Variants in GAS7 observed in about 807,000 individuals in gnomAD.
GAS7 encodes the protein growth arrest specific 7.
Under a neutral mutation model 71.1 loss-of-function variants are expected in GAS7, and 28 were observed. The ratio of observed to expected loss-of-function variants is 0.39; its 90% confidence interval spans 0.29 to 0.54. GAS7 has a LOEUF of 0.54. Ranked by LOEUF, GAS7 falls within the 20% of genes least tolerant of loss-of-function variation. GAS7 has a pLI of 0.62. For missense variants in GAS7, 436 were observed against 627.8 expected (o/e 0.69, Z 3.27); for synonymous variants, 258 against 245.8 (o/e 1.05, Z -0.46).
intron 1 of GAS7, among the ~76,000 whole-genome samples, chr17:10,075,264 G>A (rs1174959103): frequency 6.6e-6 from 1 of 151,862 alleles, no homozygotes. Context: ...GCTGAGGCAG[G>A]AGAATCGCTT....
intron 1 of GAS7, among the ~76,000 whole-genome samples, chr17:10,043,914 CAG>C (rs1365936552): frequency 6.6e-6 from 1 of 152,186 alleles, no homozygotes; most frequent in Non-Finnish European, 1.5e-5. Flanking sequence ...GCCTGGGCAA[CAG>C]AGTGAGACCC....
At chr17:10,022,525 T>G (rs2072309544) in intron 1 of GAS7, among the ~76,000 whole-genome samples, 1 of 152,192 alleles carries the variant, frequency 6.6e-6, no homozygotes, top group Non-Finnish European at 1.5e-5. Context: ...CAGCCTTCAG[T>G]GCCAATCCTG....
In GAS7 at chr17:10,138,565, C is replaced by T. The variant is rs59728678; in HGVS notation, c.183+59643G>A. On this transcript the variant is annotated intron_variant, in intron 1 of 13. Coordinates refer to ENST00000432992, the MANE Select transcript of GAS7 (RefSeq NM_201433.2). ...AGATCATGGGGTCAGGAGTTTGAGA[C>T]CAGCCTGACCAACATGGTGAAACCC... 5.2e-3 allele frequency among the ~76,000 whole-genome samples: 794 copies of T among 152,056 alleles called. 9 individuals carry two copies. The highest frequency in any genetic ancestry group is 0.018 in the African/African-American group (758 of 41,496).
chr17:10,179,351 T>C (rs2074397517), intron 1 of GAS7, among the ~76,000 whole-genome samples: 2 of 151,754 alleles, frequency 1.3e-5, no homozygotes, highest in Admixed American at 1.3e-4. Context: ...AAAAAATTCA[T>C]AGGTCCTGTG....
chr17:10,013,057 C>A (rs570977565), intron 2 of GAS7, among the ~76,000 whole-genome samples: 4 of 148,980 alleles, frequency 2.7e-5, no homozygotes, highest in Non-Finnish European at 5.9e-5. Context: ...GAGCCGAGAT[C>A]GTGCCACTGC....
intron 1 of GAS7, among the ~76,000 whole-genome samples, chr17:10,131,653 ATGTATTCC>A (rs1228806283): frequency 2.0e-5 from 3 of 152,174 alleles, no homozygotes; most frequent in South Asian, 2.1e-4. Context: ...ACAAAGTCTC[ATGTATTCC>A]TGTATTCCTG....
chr17:10,185,875 A>G (rs76469064), intron 1 of GAS7, among the ~76,000 whole-genome samples: 9,508 of 151,036 alleles, frequency 0.063, 490 homozygotes, highest in East Asian at 0.18. Flanking sequence ...GAGAAACAGG[A>G]TGGAGTGTGA....
chr17:10,031,131 A>T (rs531072316), intron 1 of GAS7, among the ~76,000 whole-genome samples: 2 of 152,000 alleles, frequency 1.3e-5, no homozygotes, highest in East Asian at 3.9e-4. Flanking sequence ...CACTTGGGAC[A>T]CTCCAGACCT....
At chr17:10,132,387 C>T (rs1041748213) in intron 1 of GAS7, among the ~76,000 whole-genome samples, 10 of 152,216 alleles carry the variant, frequency 6.6e-5, no homozygotes, top group African/African-American at 2.4e-4. Context: ...CGTGCACACC[C>T]ATCATCTCAG....
At chr17:9,932,194 C>CT (rs34286699) in intron 9 of GAS7, among the ~76,000 whole-genome samples, 51,549 of 116,140 alleles carry the variant, frequency 0.44, 13,189 homozygotes, top group Non-Finnish European at 0.55. Context: ...GTCCCCCCCG[C>CT]TTTTTTTTTT....
In GAS7 at chr17:10,188,526, A is replaced by AT. The variant is rs552040777; in HGVS notation, c.183+9681dup. On this transcript the variant is annotated intron_variant, in intron 1 of 13. Coordinates refer to ENST00000432992, the MANE Select transcript of GAS7 (RefSeq NM_201433.2). Reference sequence around the variant, plus strand: ...CATTTCCTTACACCCTGCCAATACCATTTTTTTTTTACATATTTCTGTCTT... The same window carrying AT: ...CATTTCCTTACACCCTGCCAATACCATTTTTTTTTTTACATATTTCTGTCTT... Among the ~76,000 whole-genome samples the AT allele has an allele frequency of 2.1e-3, 319 of 149,556 alleles. 2 individuals carry two copies. The highest frequency in any genetic ancestry group is 4.9e-3 in the East Asian group (25 of 5,114).
chr17:10,151,797 C>T (rs886799970), intron 1 of GAS7, among the ~76,000 whole-genome samples: 2 of 152,206 alleles, frequency 1.3e-5, no homozygotes, highest in Non-Finnish European at 2.9e-5. Flanking sequence ...CCTCCTGCCT[C>T]GGCCTCCCAA....
Position 9,949,466 on chromosome 17 carries a change from G to A in GAS7, c.526-2483C>T, listed in dbSNP as rs1185945698. On this transcript the variant is annotated intron_variant, in intron 5 of 13. Coordinates refer to ENST00000432992, the MANE Select transcript of GAS7 (RefSeq NM_201433.2). The stretch of plus-strand genomic sequence containing the variant: ...AAGTCAGGCCCATGGACCTCCCGTT[G>A]TGACCTCTGGTTCAGGAAGCTCCTG... Among the ~76,000 whole-genome samples, 5 of 152,342 alleles carry A rather than the reference G, an allele frequency of 3.3e-5. No individual in the cohort carries two copies. The East Asian group carries it at 9.6e-4, about 29-fold the overall frequency.
intron 1 of GAS7, among the ~76,000 whole-genome samples, chr17:10,154,719 C>T (rs897351576): frequency 3.3e-5 from 5 of 152,078 alleles, no homozygotes; most frequent in Non-Finnish European, 7.4e-5. Flanking sequence ...AAAACTCAGT[C>T]CAAACCCACT....
At chr17:10,025,627 A>G (rs1320739225) in intron 1 of GAS7, among the ~76,000 whole-genome samples, 1 of 150,958 alleles carries the variant, frequency 6.6e-6, no homozygotes, top group African/African-American at 2.4e-5. Flanking sequence ...CAGAGATTAC[A>G]GAGATCAAAA....
intron 1 of GAS7, among the ~76,000 whole-genome samples, chr17:10,072,959 A>C (rs1217623563): frequency 1.3e-5 from 2 of 152,210 alleles, no homozygotes; most frequent in Non-Finnish European, 2.9e-5. Context: ...CCATTCCATC[A>C]TTCTAAGTAA....
intron 2 of GAS7, among the ~76,000 whole-genome samples, chr17:10,012,029 A>C (rs2071794810): frequency 6.6e-6 from 1 of 152,170 alleles, no homozygotes; most frequent in African/African-American, 2.4e-5. Flanking sequence ...TGTTTAAAAA[A>C]AAAGAATGGC....
chr17:10,030,572 G>A (rs1413538728), intron 1 of GAS7, among the ~76,000 whole-genome samples: 2 of 152,222 alleles, frequency 1.3e-5, no homozygotes, highest in Non-Finnish European at 2.9e-5. Flanking sequence ...TTTTCTATTT[G>A]CAAAATTTGT....
chr17:9,984,344 T>A (rs2070554302), intron 2 of GAS7, among the ~76,000 whole-genome samples: 1 of 151,988 alleles, frequency 6.6e-6, no homozygotes, highest in South Asian at 2.1e-4. Context: ...ATGGTTTGGG[T>A]TTCAGGAAGG....
Sources: allele counts gnomAD v4.1 joint callset (sites outside exome capture counted in the v4.1 genomes callset), GRCh38; gene constraint gnomAD v4.1.1; transcripts MANE v1.5; gene names NCBI Gene and HGNC (gene_info 2026-07-23, HGNC 2026-07-21).